Variants in HLA-DPB1 observed in about 807,000 individuals in gnomAD.
HLA-DPB1 encodes HLA class II histocompatibility antigen, DP beta 1 chain.
HLA-DPB1 carries 30 observed loss-of-function variants against 29.4 expected under a neutral mutation model. The ratio of observed to expected loss-of-function variants is 1.02; its 90% CI spans 0.76 to 1.38. HLA-DPB1 has a LOEUF of 1.38. HLA-DPB1 is among the 40% of genes most tolerant of loss of function. The pLI, the probability that HLA-DPB1 is intolerant of heterozygous loss-of-function variation, is 0.00. For synonymous variants in HLA-DPB1, 114 were observed against 134.0 expected, an observed-to-expected ratio of 0.85 and a Z score of 1.03; for missense variants, 261 against 327.5, an observed-to-expected ratio of 0.80 and a Z score of 1.57.
chr6:33,086,963 TTGA>T lies in HLA-DPB1; in HGVS notation c.*430_*432del. On this transcript the variant is annotated 3_prime_UTR_variant, in exon 6 of 6. Coordinates refer to ENST00000418931, the MANE Select transcript of HLA-DPB1 (RefSeq NM_002121.6). Reference sequence around the variant, plus strand: ...CTGTTACACATGACACTCTTCTGAATTGACTGTATTTCAGTGAGCTGCCCCCAA... The same window carrying T: ...CTGTTACACATGACACTCTTCTGAATCTGTATTTCAGTGAGCTGCCCCCAA... The T allele has an allele frequency of 4.5e-6, 1 of 222,336 alleles. No homozygotes were observed. The highest frequency in any genetic ancestry group is 8.9e-6 in the Non-Finnish European group (1 of 112,664). The allele number at this position is 222,336 out of a possible 1,614,324, so 13.8% of individuals were successfully genotyped here. A position where few individuals can be genotyped will look rare whatever the true frequency, so the allele number is the denominator to read the frequency against.
At chr6:33,085,519 C>T (rs1373695706) in intron 3 of HLA-DPB1, among the ~76,000 whole-genome samples, 1 of 152,190 alleles carries the variant, frequency 6.6e-6, no homozygotes, top group Non-Finnish European at 1.5e-5. Context: ...CACATAGGAA[C>T]AGTTCTCTTC....
chr6:33,087,642 A>G lies in HLA-DPB1; in HGVS notation c.*1108A>G, dbSNP rs9277549. 0.38 allele frequency among the ~76,000 whole-genome samples: 57,644 copies of G among 151,750 alleles called. 12,415 individuals carry two copies. Among genetic ancestry groups the G allele is most frequent in the East Asian group, 0.64 (3,297 of 5,154 alleles). The stretch of plus-strand genomic sequence containing the variant: ...TTCTGGGCCTTGTGTGTCCCTGGGC[A>G]CCTGTCCCTGGTCAATTCCCGAAAG... On this transcript the variant is annotated 3_prime_UTR_variant, in exon 6 of 6. Transcript: ENST00000418931.
In HLA-DPB1 at chr6:33,076,036, A is replaced by G. The variant is rs1762516833; in HGVS notation, c.-6A>G. The G allele has an allele frequency of 1.2e-6, 2 of 1,608,764 alleles. No individual in the cohort carries two copies. Among genetic ancestry groups the G allele is most frequent in the Non-Finnish European group, 8.5e-7 (1 of 1,177,456 alleles). On this transcript the variant is annotated 5_prime_UTR_variant, in exon 1 of 6. Transcript: ENST00000418931. ...TCTTTTCATTTTGCCATCCTTTTCC[A>G]GCTCCATGATGGTTCTGCAGGTTTC...
In HLA-DPB1 at chr6:33,087,774, G is replaced by A. The variant is rs9501259; in HGVS notation, c.*1240G>A. On this transcript the variant is annotated 3_prime_UTR_variant, in exon 6 of 6. Transcript: ENST00000418931. ...TGGGGCTGAAGGCACAGACTTGGGC[G>A]TCACTGGCACAGATATAAGTAAATA... Among the ~76,000 whole-genome samples, 27,769 of 152,090 alleles carry A rather than the reference G, an allele frequency of 0.18. 4,208 individuals are homozygous for A. Among genetic ancestry groups the A allele is most frequent in the African/African-American group, 0.42 (17,381 of 41,394 alleles).
In HLA-DPB1 at chr6:33,088,883, A is replaced by C. The variant is rs1187386250; in HGVS notation, c.*2349A>C. On this transcript the variant is annotated 3_prime_UTR_variant, in exon 6 of 6. Coordinates refer to ENST00000418931, the MANE Select transcript of HLA-DPB1 (RefSeq NM_002121.6). ...GCAGAAGAAAAAACCCGGCGGGCTT[A>C]GGACTCCCAGCTGAGTGTTGTATCC... is the stretch of plus-strand genomic sequence containing the variant. 6.6e-6 allele frequency among the ~76,000 whole-genome samples: 1 copy of C among 152,130 alleles called. No homozygotes were observed. Among genetic ancestry groups the C allele is most frequent in the Non-Finnish European group, 1.5e-5 (1 of 68,030 alleles).
At chr6:33,085,323 C>T (rs1763050968) in intron 3 of HLA-DPB1, 92 bp downstream of exon 3, 3 of 1,142,326 alleles carry the variant, frequency 2.6e-6, no homozygotes, top group Non-Finnish European at 3.8e-6. Flanking sequence ...TGCATCTATA[C>T]CCTGGGGCCA....
intron 1 of HLA-DPB1, among the ~76,000 whole-genome samples, chr6:33,077,903 G>A (rs1762628662): frequency 6.6e-6 from 1 of 152,154 alleles, no homozygotes; most frequent in African/African-American, 2.4e-5. Flanking sequence ...TCCAGGAAGG[G>A]GAGGAGAACT....
rs369668070 is a variant in HLA-DPB1, at chr6:33,077,328, G to T, written c.100+1187G>T. 3.6e-3 allele frequency among the ~76,000 whole-genome samples: 554 copies of T among 152,218 alleles called. 4 individuals are homozygous for T. The highest frequency in any genetic ancestry group is 0.029 in the East Asian group (148 of 5,178). ...TAATCCAGTCTATCACTGATGGACAGTTGGGTTGGTTCCAAGTCTTTGCTA... is the reference window on the plus strand; with the variant it reads ...TAATCCAGTCTATCACTGATGGACATTTGGGTTGGTTCCAAGTCTTTGCTA... On this transcript the variant is annotated intron_variant, in intron 1 of 5. Transcript: ENST00000418931.
chr6:33,086,974 T>A lies in HLA-DPB1; in HGVS notation c.*440T>A. On this transcript the variant is annotated 3_prime_UTR_variant, in exon 6 of 6. Coordinates refer to ENST00000418931, the MANE Select transcript of HLA-DPB1 (RefSeq NM_002121.6). ...GACACTCTTCTGAATTGACTGTATT[T>A]CAGTGAGCTGCCCCCAAATCAAGTT... The A allele has an allele frequency of 4.6e-6, 1 of 215,622 alleles. No homozygotes were observed. The highest frequency in any genetic ancestry group is 1.7e-3 in the Middle Eastern group (1 of 600). The allele number at this position is 215,622 out of a possible 1,614,324, so 13.4% of individuals were successfully genotyped here.
At chr6:33,079,703 G>A (rs1762735231) in intron 1 of HLA-DPB1, 2 of 508,192 alleles carry the variant, frequency 3.9e-6, no homozygotes, top group Non-Finnish European at 3.9e-6. Context: ...CAGCCTCAAG[G>A]AGCTGAAAGT....
At chr6:33,081,660 AG>A (rs1342629143) in intron 2 of HLA-DPB1, among the ~76,000 whole-genome samples, 1 of 152,132 alleles carries the variant, frequency 6.6e-6, no homozygotes, top group Non-Finnish European at 1.5e-5. Flanking sequence ...TGGGGAGAGC[AG>A]GTTGGCCGCA....
chr6:33,079,855 G>C, intron 1 of HLA-DPB1: 1 of 342,084 alleles, frequency 2.9e-6, no homozygotes, highest in Non-Finnish European at 5.7e-6. Context: ...CTAAGAAAAT[G>C]AGTAGAAAGT....
rs200784721 is a variant in HLA-DPB1 at position 33,080,804 on chromosome 6, C to T, written c.233C>T (p.Thr78Met). Residue 78 changes from threonine (T) to methionine (M), a missense_variant, in exon 2 of 6, where the codon ACG becomes ATG. By Grantham distance (81) the Thr-to-Met change is moderately conservative (BLOSUM62 -1). Transcript: ENST00000418931. The surrounding 1 kb of genome is among the most constrained non-coding windows in gnomAD (Gnocchi z 4.3). ...DSDVGEFRAV[T>M]ELGRPAAEYW... The stretch of plus-strand genomic sequence containing the variant: ...GACGTGGGGGAGTTCCGGGCGGTGA[C>T]GGAGCTGGGGCGGCCTGCTGCGGAG... The T allele has an allele frequency of 2.5e-6, 4 of 1,612,438 alleles. No individual in the cohort carries two copies. In the African/African-American group the frequency reaches 5.4e-5, roughly 22 times the overall value.
intron 2 of HLA-DPB1, 131 bp downstream of exon 2, chr6:33,081,066 G>A (rs17221178): frequency 9.3e-7 from 1 of 1,073,620 alleles, no homozygotes; most frequent in Non-Finnish European, 1.3e-6. Context: ...GGGGATTCAT[G>A]GGGGGAGCCC....
chr6:33,078,239 G>A (rs1762654391), intron 1 of HLA-DPB1, among the ~76,000 whole-genome samples: 1 of 152,160 alleles, frequency 6.6e-6, no homozygotes, highest in Admixed American at 6.5e-5. Context: ...AGGCAGTGGA[G>A]CCATGTGACA....
intron 1 of HLA-DPB1, among the ~76,000 whole-genome samples, chr6:33,078,568 G>A (rs1003982853): frequency 6.6e-6 from 1 of 152,098 alleles, no homozygotes; most frequent in Non-Finnish European, 1.5e-5. Context: ...GTTTCAAACC[G>A]TGCTCTGGGC....
chr6:33,083,864 A>T (rs1377626323), intron 2 of HLA-DPB1: 1 of 152,238 alleles, frequency 6.6e-6, no homozygotes, highest in Non-Finnish European at 1.5e-5. Flanking sequence ...GAACAACAGG[A>T]CAAGCTGGGG....
rs1231406569 is a variant in HLA-DPB1 at position 33,080,408 on chromosome 6, A to G, written c.101-264A>G. ...CAGCAGAAGGGACTGCCTTCCCCTC[A>G]GTGCTCGCCCCTCCCTAGTGATCAC... On this transcript the variant is annotated intron_variant, in intron 1 of 5. Transcript: ENST00000418931. The surrounding 1 kb of genome is among the most constrained non-coding windows in gnomAD (Gnocchi z 4.3). 9 of 665,662 alleles carry G rather than the reference A, an allele frequency of 1.4e-5. No individual in the cohort carries two copies. Among genetic ancestry groups the G allele is most frequent in the East Asian group, 3.1e-5 (1 of 31,988 alleles). 41.2% of individuals were successfully genotyped at this position (665,662 alleles called of 1,614,324 possible).
In HLA-DPB1 at chr6:33,087,391, C is replaced by G. The variant is rs903282438; in HGVS notation, c.*857C>G. Among the ~76,000 whole-genome samples the G allele has an allele frequency of 1.3e-5, 2 of 148,840 alleles. No individual in the cohort carries two copies. Among genetic ancestry groups the G allele is most frequent in the Non-Finnish European group, 3.0e-5 (2 of 67,602 alleles). Reference sequence around the variant, plus strand: ...AGAGCAAAGCAATACATGTAGCACTCTTTTTCAAACACTGGTCTTTTTTTT... The same window carrying G: ...AGAGCAAAGCAATACATGTAGCACTGTTTTTCAAACACTGGTCTTTTTTTT... On this transcript the variant is annotated 3_prime_UTR_variant, in exon 6 of 6. Coordinates refer to ENST00000418931, the MANE Select transcript of HLA-DPB1 (RefSeq NM_002121.6).
Sources: gnomAD v4.1 joint callset for allele counts (sites outside exome capture counted in the v4.1 genomes callset) on GRCh38, gnomAD v4.1.1 for gene constraint, Gnocchi (gnomAD v3.1) non-coding constraint, MANE v1.5 for transcripts, NCBI Gene and HGNC (gene_info 2026-07-23, HGNC 2026-07-21) for gene names.